The following TPD52 variants were observed in gnomAD, a reference collection of about 807,000 sequenced individuals.
TPD52 encodes tumor protein D52, also known as prostate and colon associated protein.
In TPD52, 17 loss-of-function variants were observed where a neutral mutation model predicts 31.3. That is an observed-to-expected ratio of 0.54 (90% CI 0.37 to 0.82). The LOEUF (loss-of-function observed/expected upper bound fraction) is 0.82, where lower values mean the gene tolerates loss of function less well. Ranked by LOEUF, TPD52 falls within the 40% of genes least tolerant of loss-of-function variation. TPD52 has a pLI of 0.00. For missense variants in TPD52, 212 were observed against 240.1 expected (o/e 0.88, Z 0.77); for synonymous variants, 83 against 89.6 (o/e 0.93, Z 0.42).
At chr8:80,100,311 G>A (rs977387418) in intron 1 of TPD52, among the ~76,000 whole-genome samples, 14 of 152,110 alleles carry the variant, frequency 9.2e-5, no homozygotes, top group Admixed American at 5.9e-4. Flanking sequence ...TATTTTCTCT[G>A]GCAATTTCTT....
chr8:80,150,701 C>G (rs112677403), intron 1 of TPD52, among the ~76,000 whole-genome samples: 46 of 152,318 alleles, frequency 3.0e-4, no homozygotes, highest in African/African-American at 1.1e-3. Context: ...TGCATGGAGC[C>G]TGTAGCCCCT....
chr8:80,168,967 G>T, intron 1 of TPD52, among the ~76,000 whole-genome samples: 1 of 152,078 alleles, frequency 6.6e-6, no homozygotes, highest in East Asian at 1.9e-4. Flanking sequence ...AGTAAGGAAT[G>T]GCCAGGTGGT....
intron 1 of TPD52, among the ~76,000 whole-genome samples, chr8:80,126,973 G>A (rs1363772686): frequency 6.6e-6 from 1 of 152,064 alleles, no homozygotes; most frequent in African/African-American, 2.4e-5. Context: ...GCCAGGCATG[G>A]TGGCATACAC....
At position 80,038,138 on chromosome 8, in the gene TPD52, T is replaced by C; in HGVS notation, c.602A>G (p.Glu201Gly). ...ASATTTEPLPEKTQESL is the reference protein window; with the variant it reads ...ASATTTEPLPGKTQESL ...ATCTCACAGGCTCTCCTGTGTCTTT[T>C]CTGGAAGAGGCTCCGTGGTGGTGGC... The change falls in exon 8 of 8, where the codon GAA (glutamate) becomes GGA (glycine). Residue 201 changes from glutamate to glycine, a missense_variant. Physicochemically the swap from Glu to Gly is moderately conservative, Grantham distance 98. Transcript: ENST00000518937. 1.2e-6 allele frequency: 2 copies of C among 1,614,136 alleles called. No individual in the cohort carries two copies. The highest frequency in any genetic ancestry group is 1.7e-6 in the Non-Finnish European group (2 of 1,179,998).
intron 1 of TPD52, among the ~76,000 whole-genome samples, chr8:80,068,646 G>GAC (rs1813425136): frequency 6.6e-6 from 1 of 152,172 alleles, no homozygotes; most frequent in South Asian, 2.1e-4. Flanking sequence ...GACAAGTCTA[G>GAC]ACTTGTCTTT....
intron 1 of TPD52, among the ~76,000 whole-genome samples, chr8:80,110,176 C>T (rs1313197669): frequency 6.6e-6 from 1 of 151,980 alleles, no homozygotes; most frequent in Non-Finnish European, 1.5e-5. Context: ...CTTTTGCTTC[C>T]ATAGAAATAT....
chr8:80,113,339 G>A (rs766968737), intron 1 of TPD52, among the ~76,000 whole-genome samples: 3 of 150,768 alleles, frequency 2.0e-5, no homozygotes, highest in Non-Finnish European at 4.4e-5. Flanking sequence ...TTGTGAGACT[G>A]TAAATTAGTA....
chr8:80,087,387 T>C (rs1374161483), intron 1 of TPD52, among the ~76,000 whole-genome samples: 1 of 152,200 alleles, frequency 6.6e-6, no homozygotes, highest in African/African-American at 2.4e-5. Flanking sequence ...TGCAGGGACA[T>C]GGATGGAGCT....
chr8:80,103,767 C>T (rs1044285739), intron 1 of TPD52, among the ~76,000 whole-genome samples: 2 of 152,228 alleles, frequency 1.3e-5, no homozygotes, highest in African/African-American at 2.4e-5. Context: ...AGAAACAAGA[C>T]TGGGTTTTGC....
intron 1 of TPD52, among the ~76,000 whole-genome samples, chr8:80,139,675 G>A (rs185382161): frequency 1.1e-3 from 168 of 152,174 alleles, no homozygotes; most frequent in South Asian, 2.1e-3. Flanking sequence ...TTTGGATAGC[G>A]CCTCCCAATG....
chr8:80,053,460 T>G, intron 2 of TPD52, 30 bp from the exon 3 acceptor site: 2 of 1,601,688 alleles, frequency 1.2e-6, no homozygotes, highest in Non-Finnish European at 1.7e-6. Context: ...GGTAAGAATA[T>G]AGCAAAAGTC....
At chr8:80,139,522 C>A (rs1809674020) in intron 1 of TPD52, among the ~76,000 whole-genome samples, 1 of 151,584 alleles carries the variant, frequency 6.6e-6, no homozygotes, top group African/African-American at 2.4e-5. Flanking sequence ...CAGATTAATA[C>A]AGTTAATAAT....
chr8:80,072,798 C>CACACACATATATAT (rs977939775), intron 1 of TPD52, among the ~76,000 whole-genome samples: 1 of 141,050 alleles, frequency 7.1e-6, no homozygotes, highest in African/African-American at 3.0e-5. Flanking sequence ...CACACACACA[C>CACACACATATATAT]ATATATATAT....
In TPD52 at chr8:80,118,022, G is replaced by A. The variant is rs183670698; in HGVS notation, c.19+53403C>T. On this transcript the variant is annotated intron_variant, in intron 1 of 7. Transcript: ENST00000518937. The stretch of plus-strand genomic sequence containing the variant: ...GCCAGGATTACAGGTGTGAGCCACC[G>A]CACCCAACCCAGACTCAAGCCTTCT... Among the ~76,000 whole-genome samples the A allele has an allele frequency of 6.9e-4, 105 of 152,024 alleles. 1 individual carries two copies. Among genetic ancestry groups the A allele is most frequent in the Non-Finnish European group, 1.4e-3 (94 of 67,954 alleles).
In TPD52 at chr8:80,138,070, A is replaced by C. The variant is rs528974834; in HGVS notation, c.19+33355T>G. On this transcript the variant is annotated intron_variant, in intron 1 of 7. Coordinates refer to ENST00000518937, the MANE Select transcript of TPD52 (RefSeq NM_001025253.3). The stretch of plus-strand genomic sequence containing the variant: ...GCAATTCTCCTGCCTCAGCCTCCCA[A>C]GTTGCTGGGATTACAGACATGCGCC... Among the ~76,000 whole-genome samples, 7 of 152,094 alleles carry C rather than the reference A, an allele frequency of 4.6e-5. No individual in the cohort carries two copies. The South Asian group carries it at 1.5e-3, about 32-fold the overall frequency.
chr8:80,132,885 G>A (rs1809120377), intron 1 of TPD52, among the ~76,000 whole-genome samples: 1 of 152,110 alleles, frequency 6.6e-6, no homozygotes, highest in Admixed American at 6.5e-5. Context: ...AGAAAGGAAG[G>A]GGCAAAAGGT....
chr8:80,073,156 A>T (rs936721510), intron 1 of TPD52, among the ~76,000 whole-genome samples: 15 of 152,198 alleles, frequency 9.9e-5, no homozygotes, highest in East Asian at 1.9e-4. Context: ...CTCAAAAAAA[A>T]TTTTTGTTTA....
intron 1 of TPD52, among the ~76,000 whole-genome samples, chr8:80,139,423 A>T (rs6994645): frequency 0.14 from 19,609 of 138,858 alleles, 1,663 homozygotes; most frequent in African/African-American, 0.26. Context: ...GAAAAAAAAA[A>T]TTTTTTCAGA....
chr8:80,156,639 T>C (rs1810991532), intron 1 of TPD52, among the ~76,000 whole-genome samples: 1 of 152,134 alleles, frequency 6.6e-6, no homozygotes, highest in Admixed American at 6.5e-5. Context: ...TTAAGCTGTT[T>C]AGATGGCCCA....
Sources: gnomAD v4.1 joint callset for allele counts (sites outside exome capture counted in the v4.1 genomes callset) on GRCh38, gnomAD v4.1.1 for gene constraint, MANE v1.5 for transcripts, NCBI Gene and HGNC (gene_info 2026-07-23, HGNC 2026-07-21) for gene names.